Variants in MEMO1 observed in about 807,000 individuals in gnomAD.
MEMO1 encodes mediator of cell motility 1, also known as protein MEMO1.
Under a neutral mutation model 45.2 loss-of-function variants are expected in MEMO1, and 6 were observed. The observed-to-expected ratio is 0.13, with a 90% CI of 0.07 to 0.26. The LOEUF is 0.26. Among genes scored for constraint, MEMO1 ranks in the 10% least tolerant of loss-of-function variants. The pLI is 1.00. For missense variants in MEMO1, 184 were observed against 370.5 expected (o/e 0.50, Z 4.13); for synonymous variants, 78 against 124.3 (o/e 0.63, Z 2.48).
intron 2 of MEMO1, among the ~76,000 whole-genome samples, chr2:32,008,338 G>C (rs1388942741): frequency 6.6e-6 from 1 of 152,196 alleles, no homozygotes; most frequent in African/African-American, 2.4e-5. Flanking sequence ...GTAATCCCAG[G>C]ACTTTGGGAG....
intron 4 of MEMO1, among the ~76,000 whole-genome samples, chr2:31,926,041 T>A (rs1248551819): frequency 6.6e-6 from 1 of 152,056 alleles, no homozygotes; most frequent in African/African-American, 2.4e-5. Context: ...TTACGGCTAT[T>A]CCAATTTAGG....
At chr2:31,923,884 GC>G (rs1682699271) in intron 4 of MEMO1, 1 of 1,015,294 alleles carries the variant, frequency 9.8e-7, no homozygotes, top group Admixed American at 3.5e-5. Flanking sequence ...TCTGCTGGAA[GC>G]CTAATTAACT....
chr2:31,883,272 A>G (rs1374454249), intron 8 of MEMO1, 114 bp downstream of exon 8: 1 of 747,072 alleles, frequency 1.3e-6, no homozygotes, highest in African/African-American at 1.8e-5. Flanking sequence ...TGCATTTTGT[A>G]CATTTAAAGA....
At chr2:31,872,722 T>G (rs935845993) in intron 8 of MEMO1, among the ~76,000 whole-genome samples, 3 of 152,126 alleles carry the variant, frequency 2.0e-5, no homozygotes, top group Non-Finnish European at 4.4e-5. Context: ...TACAAAAATT[T>G]TAATTCTTTA....
chr2:32,004,675 T>G (rs648652), intron 2 of MEMO1, among the ~76,000 whole-genome samples: 3,353 of 151,868 alleles, frequency 0.022, 59 homozygotes, highest in African/African-American at 0.046. Flanking sequence ...GTAATCCCAG[T>G]ACTTTGGGAG....
chr2:31,923,842 AG>A lies in MEMO1; in HGVS notation c.213-2933del, dbSNP rs1361094615. 16 of 1,258,220 alleles carry A rather than the reference AG, an allele frequency of 1.3e-5. No homozygotes were observed. The African/African-American group carries it at 2.5e-4, about 19-fold the overall frequency. The allele number at this position is 1,258,220 out of a possible 1,614,324, so 77.9% of individuals were successfully genotyped here. On this transcript the variant is annotated intron_variant, in intron 4 of 9. Coordinates refer to ENST00000404530, the MANE Select transcript of MEMO1 (RefSeq NM_001301833.4). ...TAATAAGGTTCTAACAATAGCCAAA[AG>A]ATACACTGCTCCAGAAATAAACACC...
chr2:31,910,266 A>G (rs1572648642), intron 6 of MEMO1, among the ~76,000 whole-genome samples: 1 of 152,326 alleles, frequency 6.6e-6, no homozygotes, highest in East Asian at 1.9e-4. Flanking sequence ...ATGTTAAAAG[A>G]AGTCCCTCAG....
At chr2:31,970,732 G>T (rs1044745292) in intron 2 of MEMO1, among the ~76,000 whole-genome samples, 1 of 152,116 alleles carries the variant, frequency 6.6e-6, no homozygotes, top group African/African-American at 2.4e-5. Flanking sequence ...CAGCCGGCAC[G>T]GTGGCTCACG....
intron 3 of MEMO1, among the ~76,000 whole-genome samples, chr2:31,934,965 T>C (rs144828691): frequency 6.6e-6 from 1 of 152,184 alleles, no homozygotes; most frequent in African/African-American, 2.4e-5. Flanking sequence ...TCTCAGTGAC[T>C]GAGCATGGGA....
Position 31,913,236 on chromosome 2 carries a change from G to A in MEMO1, c.437+4690C>T, listed in dbSNP as rs371556226. On this transcript the variant is annotated intron_variant, in intron 6 of 9. Coordinates refer to ENST00000404530, the MANE Select transcript of MEMO1 (RefSeq NM_001301833.4). Reference sequence around the variant, plus strand: ...CCATGATCCAGCCTGGTGACAGAGCGAGACTCCGTCTCAAAAAAAAAAAAA... The same window carrying A: ...CCATGATCCAGCCTGGTGACAGAGCAAGACTCCGTCTCAAAAAAAAAAAAA... Among the ~76,000 whole-genome samples, 8 of 123,904 alleles carry A rather than the reference G, an allele frequency of 6.5e-5. 1 individual carries two copies. Among genetic ancestry groups the A allele is most frequent in the Middle Eastern group, 7.0e-3 (1 of 142 alleles). The allele number at this position is 123,904 out of a possible 152,430, so 81.3% of individuals were successfully genotyped here.
At chr2:31,978,966 C>G (rs771812950) in intron 2 of MEMO1, among the ~76,000 whole-genome samples, 12 of 151,754 alleles carry the variant, frequency 7.9e-5, no homozygotes, top group Admixed American at 2.6e-4. Flanking sequence ...TCCATCCCCC[C>G]CCAAAAAAAA....
intron 7 of MEMO1, among the ~76,000 whole-genome samples, chr2:31,885,411 C>T (rs1558476716): frequency 6.6e-6 from 1 of 152,242 alleles, no homozygotes; most frequent in Non-Finnish European, 1.5e-5. Flanking sequence ...TGAGCCACCA[C>T]ACCCAGCCTG....
At chr2:31,870,359 C>G (rs1003566158) in intron 8 of MEMO1, among the ~76,000 whole-genome samples, 1 of 152,038 alleles carries the variant, frequency 6.6e-6, no homozygotes, top group African/African-American at 2.4e-5. Context: ...GCTGTTTTCT[C>G]CATATCCATT....
intron 5 of MEMO1, 145 bp downstream of exon 5, chr2:31,920,653 G>T: frequency 2.7e-6 from 1 of 375,552 alleles, no homozygotes; most frequent in Non-Finnish European, 4.7e-6. Flanking sequence ...TTCTTTTTTT[G>T]CTGTTTTATG....
chr2:31,913,693 G>A (rs1014438849), intron 6 of MEMO1, among the ~76,000 whole-genome samples: 5 of 152,254 alleles, frequency 3.3e-5, no homozygotes, highest in African/African-American at 1.2e-4. Context: ...ACTGTGCTAT[G>A]CATAGCAGAT....
intron 6 of MEMO1, among the ~76,000 whole-genome samples, chr2:31,901,693 G>C (rs545962465): frequency 6.6e-6 from 1 of 152,080 alleles, no homozygotes; most frequent in Admixed American, 6.6e-5. Flanking sequence ...GATTGCCTGA[G>C]GTCAGGACTT....
At chr2:31,956,692 AT>A (rs1667451266) in intron 2 of MEMO1, among the ~76,000 whole-genome samples, 1 of 152,230 alleles carries the variant, frequency 6.6e-6, no homozygotes, top group Non-Finnish European at 1.5e-5. Context: ...ATGAAGCAAA[AT>A]TTTATGAACC....
At chr2:31,921,336 G>C (rs1682285541) in intron 4 of MEMO1, among the ~76,000 whole-genome samples, 1 of 152,186 alleles carries the variant, frequency 6.6e-6, no homozygotes, top group African/African-American at 2.4e-5. Context: ...CACCTAATCT[G>C]TGGTATTTTG....
At chr2:31,962,250 G>T (rs1480804156) in intron 2 of MEMO1, among the ~76,000 whole-genome samples, 1 of 152,090 alleles carries the variant, frequency 6.6e-6, no homozygotes, top group Non-Finnish European at 1.5e-5. Context: ...TTGGCTGGGT[G>T]TGGTGGCATG....
Sources: allele counts gnomAD v4.1 joint callset (sites outside exome capture counted in the v4.1 genomes callset), GRCh38; gene constraint gnomAD v4.1.1; transcripts MANE v1.5; gene names NCBI Gene and HGNC (gene_info 2026-07-23, HGNC 2026-07-21).